PRKG1: variants seen among roughly 807,000 people sequenced by gnomAD.
PRKG1 encodes the protein protein kinase cGMP-dependent 1.
PRKG1 carries 35 observed loss-of-function variants against 88.1 expected under a neutral mutation model. The ratio of observed to expected loss-of-function variants is 0.40; its 90% confidence interval spans 0.30 to 0.53. The LOEUF (loss-of-function observed/expected upper bound fraction) is 0.53, where lower values mean the gene tolerates loss of function less well. Ranked by LOEUF, PRKG1 falls within the 20% of genes least tolerant of loss-of-function variation. PRKG1 has a pLI of 0.59. For missense variants in PRKG1, 540 were observed against 839.8 expected, an observed-to-expected ratio of 0.64 and a Z score of 4.41; for synonymous variants, 303 against 292.5, an observed-to-expected ratio of 1.04 and a Z score of -0.37.
At chr10:51,199,757 T>C (rs971383409) in intron 2 of PRKG1, among the ~76,000 whole-genome samples, 11 of 152,222 alleles carry the variant, frequency 7.2e-5, no homozygotes, top group Non-Finnish European at 1.5e-4. Context: ...TTGCCAGCTC[T>C]CTTCTTTCAG....
chr10:51,567,953 G>T (rs1385794687), intron 3 of PRKG1, among the ~76,000 whole-genome samples: 1 of 152,000 alleles, frequency 6.6e-6, no homozygotes, highest in African/African-American at 2.4e-5. Context: ...GATGGAGAAA[G>T]GTATTCTGGG....
intron 2 of PRKG1, among the ~76,000 whole-genome samples, chr10:51,417,088 A>G (rs1838262822): frequency 1.3e-5 from 2 of 152,162 alleles, no homozygotes; most frequent in Admixed American, 1.3e-4. Flanking sequence ...GTTTCTTAAC[A>G]TATTTTCACT....
rs532729271 is a variant in PRKG1, at chr10:52,001,514, G to T, written c.763-52970G>T. ...TGTCAGTCATACCTCAGTAAAACTT[G>T]TTGAAAATTTTTGCCTCTTTTTTAG... On this transcript the variant is annotated intron_variant, in intron 5 of 17. Coordinates refer to ENST00000373980, the MANE Select transcript of PRKG1 (RefSeq NM_006258.4). Among the ~76,000 whole-genome samples, 197 of 151,826 alleles carry T rather than the reference G, an allele frequency of 1.3e-3. 1 individual carries two copies. Among genetic ancestry groups the T allele is most frequent in the African/African-American group, 4.5e-3 (187 of 41,476 alleles).
At chr10:51,285,187 T>G (rs1005463793) in intron 2 of PRKG1, among the ~76,000 whole-genome samples, 7 of 151,628 alleles carry the variant, frequency 4.6e-5, no homozygotes, top group East Asian at 1.9e-4. Flanking sequence ...AGAATGATGG[T>G]TTTTTTTAAA....
intron 2 of PRKG1, among the ~76,000 whole-genome samples, chr10:51,426,724 G>C (rs1291739730): frequency 6.6e-6 from 1 of 151,928 alleles, no homozygotes; most frequent in African/African-American, 2.4e-5. Flanking sequence ...ATATACAGAA[G>C]TATTCATATG....
intron 4 of PRKG1, among the ~76,000 whole-genome samples, chr10:51,885,722 C>T (rs971833609): frequency 6.6e-6 from 1 of 152,176 alleles, no homozygotes; most frequent in African/African-American, 2.4e-5. Flanking sequence ...TTACTTTATG[C>T]CCCAGCTATT....
At chr10:51,419,613 C>T (rs1210220333) in intron 2 of PRKG1, among the ~76,000 whole-genome samples, 2 of 152,036 alleles carry the variant, frequency 1.3e-5, no homozygotes, top group Admixed American at 6.6e-5. Flanking sequence ...ATTAAGTTCT[C>T]TCTGTTGTAC....
intron 4 of PRKG1, among the ~76,000 whole-genome samples, chr10:51,907,261 GT>G (rs1382565361): frequency 4.6e-5 from 7 of 151,222 alleles, no homozygotes; most frequent in African/African-American, 1.7e-4. Context: ...CAAACTCCAA[GT>G]TTTTTTTTCA....
intron 5 of PRKG1, among the ~76,000 whole-genome samples, chr10:52,041,440 T>G (rs563668460): frequency 6.6e-6 from 1 of 152,352 alleles, no homozygotes; most frequent in South Asian, 2.1e-4. Context: ...GTTTGTCATT[T>G]TTATTGTTGT....
intron 5 of PRKG1, among the ~76,000 whole-genome samples, chr10:52,044,223 G>A (rs574849430): frequency 6.6e-6 from 1 of 152,172 alleles, no homozygotes; most frequent in Non-Finnish European, 1.5e-5. Flanking sequence ...TGGAAAATTG[G>A]GTACTTGGAT....
chr10:51,508,076 CTG>C (rs1306035420), intron 3 of PRKG1, among the ~76,000 whole-genome samples: 1 of 152,106 alleles, frequency 6.6e-6, no homozygotes, highest in East Asian at 1.9e-4. Context: ...TTGTCATTTA[CTG>C]TGTGACTTTA....
chr10:51,970,737 TTATA>T (rs1284267345), intron 5 of PRKG1, among the ~76,000 whole-genome samples: 15 of 124,430 alleles, frequency 1.2e-4, no homozygotes, highest in Non-Finnish European at 2.0e-4. Context: ...ATATATCAGA[TTATA>T]TATATATATC....
intron 3 of PRKG1, among the ~76,000 whole-genome samples, chr10:51,777,353 C>T (rs947701669): frequency 6.6e-6 from 1 of 152,092 alleles, no homozygotes; most frequent in Middle Eastern, 3.2e-3. Context: ...CCCTCCCTCC[C>T]GAGAAAGCTT....
intron 2 of PRKG1, among the ~76,000 whole-genome samples, chr10:51,311,604 T>C (rs1203404614): frequency 6.6e-6 from 1 of 152,224 alleles, no homozygotes; most frequent in Admixed American, 6.5e-5. Context: ...CTTAGATCTC[T>C]ATGAATCACA....
At chr10:52,027,197 A>G (rs1304628883) in intron 5 of PRKG1, among the ~76,000 whole-genome samples, 2 of 152,088 alleles carry the variant, frequency 1.3e-5, no homozygotes, top group East Asian at 3.9e-4. Flanking sequence ...TAATCACTCA[A>G]GTGTACTTGT....
chr10:51,850,146 A>G (rs1840508906), intron 4 of PRKG1, among the ~76,000 whole-genome samples: 1 of 152,164 alleles, frequency 6.6e-6, no homozygotes, highest in Admixed American at 6.6e-5. Context: ...TTGTACCCCA[A>G]AGTTTATTGG....
intron 10 of PRKG1, among the ~76,000 whole-genome samples, chr10:52,258,472 T>C (rs1251737805): frequency 6.6e-6 from 1 of 151,120 alleles, no homozygotes; most frequent in Non-Finnish European, 1.5e-5. Flanking sequence ...ATAGCTACTC[T>C]GTGAGGAGAA....
chr10:51,341,004 A>T lies in PRKG1; in HGVS notation c.479-126719A>T, dbSNP rs113219110. Among the ~76,000 whole-genome samples, 667 of 152,300 alleles carry T rather than the reference A, an allele frequency of 4.4e-3. 8 individuals carry two copies. The highest frequency in any genetic ancestry group is 0.031 in the Middle Eastern group (9 of 294). ...CTTTCCCCGTTAGCTAATTCAAAAT[A>T]TCCATTCATCCAAAGAGTCTCTACT... On this transcript the variant is annotated intron_variant, in intron 2 of 17. Transcript: ENST00000373980.
chr10:52,191,240 C>T (rs920898644), intron 9 of PRKG1, among the ~76,000 whole-genome samples: 4 of 152,098 alleles, frequency 2.6e-5, no homozygotes, highest in African/African-American at 4.8e-5. Context: ...GCAGCCTAGA[C>T]CTACTGGGCT....
Sources: allele counts gnomAD v4.1 joint callset (sites outside exome capture counted in the v4.1 genomes callset), GRCh38; gene constraint gnomAD v4.1.1; transcripts MANE v1.5; gene names NCBI Gene and HGNC (gene_info 2026-07-23, HGNC 2026-07-21).